TTN: variants seen among roughly 807,000 people sequenced by gnomAD.
TTN encodes titin, also known as connectin.
A neutral mutation model predicts 3,223.0 loss-of-function variants in TTN; 1,525 were observed. The observed-to-expected ratio is 0.47, with a 90% confidence interval of 0.45 to 0.49. The LOEUF is 0.49. Ranked by LOEUF, TTN falls within the 20% of genes least tolerant of loss-of-function variation. The pLI is 0.00. For synonymous variants in TTN, 14,094 were observed against 15,161.0 expected (o/e 0.93, Z 5.17); for missense variants, 40,786 against 43,424.0 (o/e 0.94, Z 5.40).
chr2:178,593,286 A>G lies in TTN; in HGVS notation c.58922T>C (p.Val19641Ala). 6.2e-7 allele frequency: 1 copy of G among 1,613,390 alleles called. No individual in the cohort carries two copies. Among genetic ancestry groups the G allele is most frequent in the Non-Finnish European group, 8.5e-7 (1 of 1,179,546 alleles). Residue 19641 changes from valine to alanine, a missense_variant, in exon 299 of 363, where the codon GTT (valine) becomes GCT (alanine). Transcript: ENST00000589042. ...DPIHPYTKFR[V>A]PDLLEGCQYE... The stretch of plus-strand genomic sequence containing the variant: ...CTGACATCCTTCTAGAAGATCAGGA[A>G]CCCTAAATTTAGTGTATGGATGAAT...
chr2:178,651,168 C>T, intron 208 of TTN, 75 bp downstream of exon 208: 1 of 1,267,586 alleles, frequency 7.9e-7, no homozygotes, highest in South Asian at 1.4e-5. Flanking sequence ...GACTCGCAAA[C>T]AAAAGGTTTG....
chr2:178,796,685 G>T (rs1405409054), intron 6 of TTN, among the ~76,000 whole-genome samples: 2 of 152,110 alleles, frequency 1.3e-5, no homozygotes, highest in Non-Finnish European at 2.9e-5. Context: ...GTTTCACCCT[G>T]TGCCTTGTTC....
chr2:178,758,371 T>C (rs1392821859), intron 44 of TTN, among the ~76,000 whole-genome samples: 1 of 152,244 alleles, frequency 6.6e-6, no homozygotes, highest in Non-Finnish European at 1.5e-5. Context: ...GGAAAAATAG[T>C]ACCACTATAT....
chr2:178,549,168 T>C lies in TTN; in HGVS notation c.92458A>G (p.Asn30820Asp), dbSNP rs1274751993. The C allele has an allele frequency of 6.2e-7, 1 of 1,613,708 alleles. No homozygotes were observed. Among genetic ancestry groups the C allele is most frequent in the Non-Finnish European group, 8.5e-7 (1 of 1,179,818 alleles). The change falls in exon 339 of 363, where the codon AAC becomes GAC. Residue 30820 changes from asparagine to aspartate, a missense_variant. By Grantham distance (23) the Asn-to-Asp change is conservative (BLOSUM62 1). Coordinates refer to ENST00000589042, the MANE Select transcript of TTN (RefSeq NM_001267550.2). ...ACCACTGTGGGAGGACCTGGTGGGT[T>C]GACGGGCTCTCTACATTTAATGAGT... ...SRLIKCREPV[N>D]PPGPPTVVKV...
rs1448001247 is a variant in TTN, at chr2:178,575,823, C to T, written c.70309G>A (p.Gly23437Ser). ...GTAGGCCGCAGGTTGAGGACTGGGC[C>T]TGGCGTGTCCAAGACTCTGACGTTC... ...FVNVRVLDTP[G>S]PVLNLRPTDI... Residue 23437 changes from glycine to serine, a missense_variant, in exon 326 of 363, where the codon GGC (glycine) becomes AGC (serine). Gly to Ser is a moderately conservative substitution (Grantham distance 56, BLOSUM62 0). Transcript: ENST00000589042. This position sits in a 1 kb window ranked among gnomAD's most constrained non-coding sequence, Gnocchi z 4.0. The T allele has an allele frequency of 6.2e-7, 1 of 1,613,464 alleles. No homozygotes were observed. The highest frequency in any genetic ancestry group is 8.5e-7 in the Non-Finnish European group (1 of 1,179,560).
Position 178,725,360 on chromosome 2 carries a change from G to C in TTN, c.20836+8C>G, listed in dbSNP as rs768718820. 1 of 1,513,340 alleles carries C rather than the reference G, an allele frequency of 6.6e-7. No homozygotes were observed. The highest frequency in any genetic ancestry group is 8.9e-7 in the Non-Finnish European group (1 of 1,128,386). The allele number at this position is 1,513,340 out of a possible 1,614,324, so 93.7% of individuals were successfully genotyped here. On this transcript the variant is annotated splice_region_variant and intron_variant, in intron 71 of 362. Transcript: ENST00000589042. Reference sequence around the variant, plus strand: ...GCACCAGTTTCTATCGTGGGCTATTGTACCAACCTAAGACCATCAGTGTGG... The same window carrying C: ...GCACCAGTTTCTATCGTGGGCTATTCTACCAACCTAAGACCATCAGTGTGG...
At position 178,677,922 on chromosome 2, in the gene TTN, A is replaced by C. The variant is rs774359312; in HGVS notation, c.33995-5T>G. ...CTGGTTCACGTTTCTTTGGCACTTTAAAGATATTTATTCAAGGGTACAAAC... is the reference window on the plus strand; with the variant it reads ...CTGGTTCACGTTTCTTTGGCACTTTCAAGATATTTATTCAAGGGTACAAAC... On this transcript the variant is annotated splice_region_variant and splice_polypyrimidine_tract_variant and intron_variant, in intron 145 of 362. Coordinates refer to ENST00000589042, the MANE Select transcript of TTN (RefSeq NM_001267550.2). The C allele has an allele frequency of 2.5e-6, 4 of 1,586,372 alleles. No homozygotes were observed. Among genetic ancestry groups the C allele is most frequent in the Non-Finnish European group, 3.4e-6 (4 of 1,170,514 alleles).
intron 89 of TTN, 75 bp downstream of exon 89, chr2:178,715,418 A>G: frequency 6.5e-7 from 1 of 1,533,774 alleles, no homozygotes. Context: ...ATCGTTGAAG[A>G]GTCAAACAGG....
Position 178,564,734 on chromosome 2 carries a change from T to C in TTN, c.81398A>G (p.Lys27133Arg). 6.2e-7 allele frequency: 1 copy of C among 1,613,184 alleles called. No individual in the cohort carries two copies. The highest frequency in any genetic ancestry group is 8.5e-7 in the Non-Finnish European group (1 of 1,179,526). ...AAGGCCCTCATCAAGCCCAGTTGTTTTGAATTTGGTGTCCTGAATGGGGGT... is the reference window on the plus strand; with the variant it reads ...AAGGCCCTCATCAAGCCCAGTTGTTCTGAATTTGGTGTCCTGAATGGGGGT... ...NKTPIQDTKF[K>R]TTGLDEGLEY... The change falls in exon 326 of 363, where the codon AAA (lysine) becomes AGA (arginine). Residue 27133 changes from lysine to arginine, a missense_variant. By Grantham distance (26) the Lys-to-Arg change is conservative (BLOSUM62 2). Transcript: ENST00000589042.
At position 178,702,625 on chromosome 2, in the gene TTN, C is replaced by T. The variant is rs771073631; in HGVS notation, c.30262G>A (p.Val10088Met). ...IQFTKRIQNI[V>M]VSEHQSATFE... ...GTGGCAGACTGATGCTCACTCACCACGATGTTCTGTATGCGCTTTGTAAAC... is the reference window on the plus strand; with the variant it reads ...GTGGCAGACTGATGCTCACTCACCATGATGTTCTGTATGCGCTTTGTAAAC... The change falls in exon 107 of 363, where the codon GTG becomes ATG. Residue 10088 changes from valine to methionine, a missense_variant. Coordinates refer to ENST00000589042, the MANE Select transcript of TTN (RefSeq NM_001267550.2). 1.1e-5 allele frequency: 18 copies of T among 1,613,796 alleles called. No individual in the cohort carries two copies. The highest frequency in any genetic ancestry group is 3.3e-5 in the South Asian group (3 of 91,076).
chr2:178,592,650 C>A lies in TTN; in HGVS notation c.59355G>T (p.Glu19785Asp), dbSNP rs1173467226. Residue 19785 changes from glutamate (E) to aspartate (D), a missense_variant, in exon 301 of 363, where the codon GAG becomes GAT. Physicochemically the swap from Glu to Asp is conservative, Grantham distance 45. Coordinates refer to ENST00000589042, the MANE Select transcript of TTN (RefSeq NM_001267550.2). ...TTGCCATGTTGGCATCAAGAATCAACTCAGGGGGTTCTAGAATAAAGAGAA... is the reference window on the plus strand; with the variant it reads ...TTGCCATGTTGGCATCAAGAATCAAATCAGGGGGTTCTAGAATAAAGAGAA... Reference protein sequence around the residue: ...VLVKDRLEPPELILDANMARE... With the variant: ...VLVKDRLEPPDLILDANMARE... The A allele has an allele frequency of 9.9e-6, 16 of 1,612,876 alleles. No homozygotes were observed. Among genetic ancestry groups the A allele is most frequent in the African/African-American group, 1.3e-5 (1 of 74,854 alleles).
rs375764395 is a variant in TTN at position 178,568,426 on chromosome 2, G to A, written c.77706C>T (p.Asp25902=). The change falls in exon 326 of 363, where the codon GAC becomes GAT. Residue 25902 remains aspartate (D), a synonymous_variant. Transcript: ENST00000589042. ...ATAATGTAATACTTTCAGCACTGACGTCATCAAATTTAACAGGTCCTTTTG... is the reference window on the plus strand; with the variant it reads ...ATAATGTAATACTTTCAGCACTGACATCATCAAATTTAACAGGTCCTTTTG... ...DPPKGPVKFD[D]VSAESITLSW... 8.3e-5 allele frequency: 134 copies of A among 1,613,044 alleles called. No individual in the cohort carries two copies. Among genetic ancestry groups the A allele is most frequent in the Non-Finnish European group, 1.0e-4 (121 of 1,179,546 alleles).
chr2:178,542,344 A>G lies in TTN; in HGVS notation c.97412T>C (p.Val32471Ala), dbSNP rs1412547429. Reference protein sequence around the residue: ...FTRLTEGNEYVFRVAATNRFG... With the variant: ...FTRLTEGNEYAFRVAATNRFG... ...GCGGTTTGTTGCAGCCACACGGAACACATACTCATTTCCTTCGGTGAGTCT... is the reference window on the plus strand; with the variant it reads ...GCGGTTTGTTGCAGCCACACGGAACGCATACTCATTTCCTTCGGTGAGTCT... The change falls in exon 349 of 363, where the codon GTG becomes GCG. Residue 32471 changes from valine to alanine, a missense_variant. Coordinates refer to ENST00000589042, the MANE Select transcript of TTN (RefSeq NM_001267550.2). 1 of 1,613,378 alleles carries G rather than the reference A, an allele frequency of 6.2e-7. No individual in the cohort carries two copies. The highest frequency in any genetic ancestry group is 8.5e-7 in the Non-Finnish European group (1 of 1,179,660).
In TTN at chr2:178,607,554, C is replaced by T; in HGVS notation, c.53134G>A (p.Glu17712Lys). ...ATTACAACACGGTCTTTATCCAGCT[C>T]CCCTTCTTCTTTGGTCCATACTTTT... Reference protein sequence around the residue: ...PTKVWTKEEGELDKDRVVIDN... With the variant: ...PTKVWTKEEGKLDKDRVVIDN... The change falls in exon 277 of 363, where the codon GAG becomes AAG. Residue 17712 changes from glutamate to lysine, a missense_variant. By Grantham distance (56) the Glu-to-Lys change is moderately conservative. Transcript: ENST00000589042. 1 of 1,613,128 alleles carries T rather than the reference C, an allele frequency of 6.2e-7. No homozygotes were observed. The highest frequency in any genetic ancestry group is 8.5e-7 in the Non-Finnish European group (1 of 1,179,360).
rs769162510 is a variant in TTN at position 178,558,485 on chromosome 2, A to G, written c.86974T>C (p.Cys28992Arg). Residue 28992 changes from cysteine to arginine, a missense_variant, in exon 327 of 363, where the codon TGT becomes CGT. By Grantham distance (180) the Cys-to-Arg change is radical. Coordinates refer to ENST00000589042, the MANE Select transcript of TTN (RefSeq NM_001267550.2). ...LEKGQKNWVK[C>R]AVAKSTHHVV... ...TGATGGGTTGACTTTGCCACTGCAC[A>G]TTTAACCCAGTTTTTCTGTCCTTTT... The G allele has an allele frequency of 1.3e-5, 21 of 1,613,704 alleles. No individual in the cohort carries two copies. Among genetic ancestry groups the G allele is most frequent in the African/African-American group, 4.0e-5 (3 of 74,926 alleles).
At chr2:178,556,303 T>G (rs1343233791) in intron 330 of TTN, 2 of 156,400 alleles carry the variant, frequency 1.3e-5, no homozygotes, top group Non-Finnish European at 2.8e-5. Context: ...TGGTGGGGCA[T>G]GCCTGTAATC....
rs2154291546 is a variant in TTN, at chr2:178,705,158, A to G, written c.29604+16T>C. 1 of 1,608,562 alleles carries G rather than the reference A, an allele frequency of 6.2e-7. No homozygotes were observed. Among genetic ancestry groups the G allele is most frequent in the Non-Finnish European group, 8.5e-7 (1 of 1,178,278 alleles). ...TGTGACTTTTTTAGCATGATGCTATATATGAAGGAGCATACCAGTCTATGT... is the reference window on the plus strand; with the variant it reads ...TGTGACTTTTTTAGCATGATGCTATGTATGAAGGAGCATACCAGTCTATGT... On this transcript the variant is annotated intron_variant, in intron 103 of 362. Coordinates refer to ENST00000589042, the MANE Select transcript of TTN (RefSeq NM_001267550.2).
In TTN at chr2:178,531,785, T is replaced by C. The variant is rs367770867; in HGVS notation, c.104830A>G (p.Ile34944Val). 1 of 1,613,994 alleles carries C rather than the reference T, an allele frequency of 6.2e-7. No homozygotes were observed. Among genetic ancestry groups the C allele is most frequent in the Non-Finnish European group, 8.5e-7 (1 of 1,179,866 alleles). Residue 34944 changes from isoleucine to valine, a missense_variant, in exon 358 of 363, where the codon ATC becomes GTC. Physicochemically the swap from Ile to Val is conservative, Grantham distance 29 (BLOSUM62 3). Coordinates refer to ENST00000589042, the MANE Select transcript of TTN (RefSeq NM_001267550.2). ...CTGTGCGAGCGCATTCTCAGTGTGA[T>C]TCGAGGGGCATGGTCCAGTGTGAAA... ...QPFTLDHAPR[I>V]TLRMRSHRVP...
rs1203533684 is a variant in TTN at position 178,576,807 on chromosome 2, G to A, written c.69437C>T (p.Pro23146Leu). The A allele has an allele frequency of 2.2e-5, 36 of 1,612,588 alleles. No homozygotes were observed. The East Asian group carries it at 7.8e-4, about 35-fold the overall frequency. The change falls in exon 325 of 363, where the codon CCA becomes CTA. Residue 23146 changes from proline to leucine, a missense_variant. By Grantham distance (98) the Pro-to-Leu change is moderately conservative (BLOSUM62 -3). Coordinates refer to ENST00000589042, the MANE Select transcript of TTN (RefSeq NM_001267550.2). This position sits in a 1 kb window ranked among gnomAD's most constrained non-coding sequence, Gnocchi z 4.3. ...RFGPPGPPEK[P>L]EVSNVTKNTA... is the part of the protein sequence containing the mutation. ...GTTCTTAGTGACATTTGATACCTCT[G>A]GTTTTTCAGGAGGGCCAGGGGGACC...
Sources: gnomAD v4.1 joint callset for allele counts (sites outside exome capture counted in the v4.1 genomes callset) on GRCh38, gnomAD v4.1.1 for gene constraint, Gnocchi (gnomAD v3.1) non-coding constraint, MANE v1.5 for transcripts, NCBI Gene and HGNC (gene_info 2026-07-23, HGNC 2026-07-21) for gene names.